ERC1: variants seen among roughly 807,000 people sequenced by gnomAD.
ERC1 encodes ELKS/RAB6-interacting/CAST family member 1, also known as RAB6 interacting protein 2.
Under a neutral mutation model 132.0 loss-of-function variants are expected in ERC1, and 56 were observed. That is an observed-to-expected ratio of 0.42 (90% CI 0.34 to 0.53). The LOEUF (loss-of-function observed/expected upper bound fraction) is 0.53, where lower values mean the gene tolerates loss of function less well. ERC1 is among the 20% of genes least tolerant of loss of function. The pLI, the probability that ERC1 is intolerant of heterozygous loss-of-function variation, is 0.03. For missense variants in ERC1, 1,202 were observed against 1,349.9 expected, an observed-to-expected ratio of 0.89 and a Z score of 1.72; for synonymous variants, 478 against 476.1, an observed-to-expected ratio of 1.00 and a Z score of -0.05.
At chr12:1,165,445 A>G (rs1952311645) in intron 8 of ERC1, among the ~76,000 whole-genome samples, 1 of 151,952 alleles carries the variant, frequency 6.6e-6, no homozygotes, top group African/African-American at 2.4e-5. Flanking sequence ...AGCTGGGACT[A>G]CAGGCGCCTG....
intron 18 of ERC1, chr12:1,445,063 T>C (rs1056232024): frequency 3.8e-6 from 1 of 263,062 alleles, no homozygotes; most frequent in African/African-American, 2.2e-5. Context: ...GTACAACATG[T>C]AATTTTGAAA....
At chr12:1,332,606 A>G (rs1262738824) in intron 15 of ERC1, among the ~76,000 whole-genome samples, 2 of 152,178 alleles carry the variant, frequency 1.3e-5, no homozygotes, top group African/African-American at 2.4e-5. Context: ...GAACCTGTCC[A>G]CTGGTAGCCG....
At chr12:1,122,998 G>A (rs1426853085) in intron 7 of ERC1, among the ~76,000 whole-genome samples, 1 of 152,100 alleles carries the variant, frequency 6.6e-6, no homozygotes, top group African/African-American at 2.4e-5. Context: ...TGATCTGGGA[G>A]GCTTGCTTCC....
intron 16 of ERC1, among the ~76,000 whole-genome samples, chr12:1,388,660 A>T (rs930062856): frequency 6.6e-6 from 1 of 152,196 alleles, no homozygotes; most frequent in African/African-American, 2.4e-5. Context: ...TTTTATAGAT[A>T]AATCAATCAC....
At chr12:1,453,576 G>A (rs536968714) in intron 18 of ERC1, among the ~76,000 whole-genome samples, 56 of 152,244 alleles carry the variant, frequency 3.7e-4, no homozygotes, top group South Asian at 1.5e-3. Context: ...CATATTTTAG[G>A]AGTCACAAAA....
At chr12:1,111,028 G>A (rs1450894688) in intron 5 of ERC1, among the ~76,000 whole-genome samples, 1 of 152,044 alleles carries the variant, frequency 6.6e-6, no homozygotes, top group Non-Finnish European at 1.5e-5. Flanking sequence ...AATGAAATGG[G>A]TGAAATGAAG....
intron 16 of ERC1, among the ~76,000 whole-genome samples, chr12:1,379,185 T>A (rs1033444012): frequency 6.6e-6 from 1 of 152,204 alleles, no homozygotes; most frequent in Non-Finnish European, 1.5e-5. Context: ...CTCTCACGTT[T>A]TACCATAAGC....
chr12:1,040,384 C>T (rs1243798752), intron 2 of ERC1, among the ~76,000 whole-genome samples: 3 of 147,902 alleles, frequency 2.0e-5, no homozygotes, highest in Admixed American at 6.8e-5. Flanking sequence ...TGCAGTGGCG[C>T]AATACTCCGC....
At chr12:1,253,632 C>T (rs961750209) in intron 13 of ERC1, among the ~76,000 whole-genome samples, 9 of 152,074 alleles carry the variant, frequency 5.9e-5, no homozygotes, top group Admixed American at 2.0e-4. Flanking sequence ...GCCGAGATCA[C>T]GCCATTGCAC....
In ERC1 at chr12:1,282,475, T is replaced by G. The variant is rs73029171; in HGVS notation, c.2620-7377T>G. On this transcript the variant is annotated intron_variant, in intron 14 of 18. Coordinates refer to ENST00000360905, the MANE Select transcript of ERC1 (RefSeq NM_178040.4). ...GCAATAACTATAGTTATTCCATAGTTATAAAATACTGTACTGCCGGTATAT... is the reference window on the plus strand; with the variant it reads ...GCAATAACTATAGTTATTCCATAGTGATAAAATACTGTACTGCCGGTATAT... 7.0e-3 allele frequency among the ~76,000 whole-genome samples: 1,063 copies of G among 152,306 alleles called. 9 individuals are homozygous for G. The highest frequency in any genetic ancestry group is 0.012 in the Non-Finnish European group (841 of 68,010).
chr12:1,008,833 G>A (rs2097859), intron 1 of ERC1, among the ~76,000 whole-genome samples: 80,153 of 151,990 alleles, frequency 0.53, 22,449 homozygotes, highest in African/African-American at 0.72. Context: ...TTCAATTCCC[G>A]TGAAATAAGA....
chr12:1,186,647 C>T (rs960569133), intron 11 of ERC1, among the ~76,000 whole-genome samples: 1 of 152,076 alleles, frequency 6.6e-6, no homozygotes, highest in Non-Finnish European at 1.5e-5. Flanking sequence ...ATTTTTAAAG[C>T]ATAGGTTAAC....
intron 12 of ERC1, among the ~76,000 whole-genome samples, chr12:1,233,028 A>T (rs2075159204): frequency 6.6e-6 from 1 of 152,232 alleles, no homozygotes; most frequent in Admixed American, 6.5e-5. Context: ...ATGTAATTTT[A>T]AAAAGTTACT....
rs1287359981 is a variant in ERC1, at chr12:1,494,627, T to C, written c.*4397T>C. 6 of 230,926 alleles carry C rather than the reference T, an allele frequency of 2.6e-5. No individual in the cohort carries two copies. The East Asian group carries it at 3.7e-4, about 14-fold the overall frequency. 14.3% of individuals were successfully genotyped at this position (230,926 alleles called of 1,614,324 possible). A position where few individuals can be genotyped will look rare whatever the true frequency, so the allele number is the denominator to read the frequency against. On this transcript the variant is annotated 3_prime_UTR_variant, in exon 19 of 19. Transcript: ENST00000360905. ...GTGGCCCTGTTGTAGGTACTTCTCC[T>C]GACTCTTGGGGGAGAAGTGGTTTTA...
chr12:1,016,635 C>CTTTTTTTT (rs397967271), intron 1 of ERC1, among the ~76,000 whole-genome samples: 4 of 128,054 alleles, frequency 3.1e-5, no homozygotes, highest in Admixed American at 8.1e-5. Context: ...CTTTTCTTTT[C>CTTTTTTTT]TTTTTTTTTT....
At chr12:1,072,688 T>G (rs1593114640) in intron 2 of ERC1, among the ~76,000 whole-genome samples, 2 of 152,086 alleles carry the variant, frequency 1.3e-5, no homozygotes, top group East Asian at 3.9e-4. Context: ...TGTGTTTTAA[T>G]TTTAATTTTT....
chr12:1,402,614 A>AACAC (rs56777839), intron 16 of ERC1, among the ~76,000 whole-genome samples: 3,316 of 144,966 alleles, frequency 0.023, 87 homozygotes, highest in African/African-American at 0.066. Context: ...TGTAACCCCC[A>AACAC]ACACACACAC....
At chr12:996,805 A>G (rs1961020716) in intron 1 of ERC1, among the ~76,000 whole-genome samples, 1 of 152,338 alleles carries the variant, frequency 6.6e-6, no homozygotes, top group African/African-American at 2.4e-5. Context: ...CACTGTTTGC[A>G]GTTTCTTGTT....
intron 16 of ERC1, among the ~76,000 whole-genome samples, chr12:1,376,833 C>T (rs190164362): frequency 1.6e-3 from 238 of 152,326 alleles, no homozygotes; most frequent in African/African-American, 5.5e-3. Flanking sequence ...TTCCCCTCTC[C>T]ATCCGTAAAG....
Sources: allele counts gnomAD v4.1 joint callset (sites outside exome capture counted in the v4.1 genomes callset), GRCh38; gene constraint gnomAD v4.1.1; transcripts MANE v1.5; gene names NCBI Gene and HGNC (gene_info 2026-07-23, HGNC 2026-07-21).